Variants in PCDHGB7 observed in about 807,000 individuals in gnomAD.
The protein encoded by PCDHGB7 is protocadherin gamma-B7.
PCDHGB7 carries 37 observed loss-of-function variants against 61.4 expected under a neutral mutation model. The observed-to-expected ratio is 0.60, with a 90% CI of 0.46 to 0.79. The LOEUF is 0.79. Among genes scored for constraint, PCDHGB7 ranks in the 30% least tolerant of loss-of-function variants. The probability of loss-of-function intolerance (pLI) is 0.00; values close to 1 mark genes in which losing one functional copy is unlikely to be tolerated. For missense variants in PCDHGB7, 1,166 were observed against 1,202.5 expected (o/e 0.97, Z 0.45); for synonymous variants, 464 against 503.5 (o/e 0.92, Z 1.05).
chr5:141,440,527 T>G (rs1282939317), intron 1 of PCDHGB7: 3 of 152,222 alleles, frequency 2.0e-5, no homozygotes, highest in African/African-American at 7.2e-5. Context: ...TGAAGAATCA[T>G]GCACCACGGT....
chr5:141,511,093 G>A lies in PCDHGB7; in HGVS notation c.2710G>A (p.Ala904Thr), dbSNP rs377350933. The change falls in exon 4 of 4, where the codon GCA (alanine) becomes ACA (threonine). Residue 904 changes from alanine to threonine, a missense_variant. Physicochemically the swap from Ala to Thr is moderately conservative, Grantham distance 58. Coordinates refer to ENST00000398594, the MANE Select transcript of PCDHGB7 (RefSeq NM_018927.4). Reference protein sequence around the residue: ...IPGSNATLTNAAGKRDGKAPA... With the variant: ...IPGSNATLTNTAGKRDGKAPA... ...AGGCAGCAATGCCACACTGACCAACGCAGCTGGCAAGCGGGATGGCAAGGC... is the reference window on the plus strand; with the variant it reads ...AGGCAGCAATGCCACACTGACCAACACAGCTGGCAAGCGGGATGGCAAGGC... 8 of 1,614,072 alleles carry A rather than the reference G, an allele frequency of 5.0e-6. No individual in the cohort carries two copies. Among genetic ancestry groups the A allele is most frequent in the African/African-American group, 4.0e-5 (3 of 74,916 alleles).
chr5:141,510,862 C>CATTCA, intron 3 of PCDHGB7, 85 bp from the exon 4 acceptor site: 1 of 1,606,772 alleles, frequency 6.2e-7, no homozygotes, highest in South Asian at 1.1e-5. Flanking sequence ...GCTGTATAGG[C>CATTCA]ATTCATTAAC....
chr5:141,478,186 C>T, intron 1 of PCDHGB7: 2 of 1,614,016 alleles, frequency 1.2e-6, no homozygotes, highest in Non-Finnish European at 1.7e-6. Context: ...AAAAAAATCT[C>T]ACCTTTTATC....
At chr5:141,483,648 T>TTGTGTGTGTGTGTG (rs111458813) in intron 1 of PCDHGB7, among the ~76,000 whole-genome samples, 2 of 149,592 alleles carry the variant, frequency 1.3e-5, no homozygotes, top group Non-Finnish European at 3.0e-5. Context: ...GGGTGTGTGT[T>TTGTGTGTGTGTGTG]TGTGTGTGTG....
At position 141,419,392 on chromosome 5, in the gene PCDHGB7, C is replaced by A. The variant is rs1338481275; in HGVS notation, c.1533C>A (p.Ser511Arg). The change falls in exon 1 of 4, where the codon AGC becomes AGA. Residue 511 changes from serine to arginine, a missense_variant. By Grantham distance (110) the Ser-to-Arg change is moderately radical. Coordinates refer to ENST00000398594, the MANE Select transcript of PCDHGB7 (RefSeq NM_018927.4). ...CCTACGTGTCCGTGAGCGCGCAGAGCGGGGTGGTGTTCGCGCAGCGCGCCT... is the reference window on the plus strand; with the variant it reads ...CCTACGTGTCCGTGAGCGCGCAGAGAGGGGTGGTGTTCGCGCAGCGCGCCT... Reference protein sequence around the residue: ...LSSYVSVSAQSGVVFAQRAFD... With the variant: ...LSSYVSVSAQRGVVFAQRAFD... 6.2e-7 allele frequency: 1 copy of A among 1,613,612 alleles called. No homozygotes were observed. The highest frequency in any genetic ancestry group is 8.5e-7 in the Non-Finnish European group (1 of 1,179,902).
Position 141,431,112 on chromosome 5 carries a change from GAGTAGA to G in PCDHGB7, c.2415+10849_2415+10854del, listed in dbSNP as rs764068262. On this transcript the variant is annotated intron_variant, in intron 1 of 3. Transcript: ENST00000398594. The surrounding 1 kb of genome is among the most constrained non-coding windows in gnomAD (Gnocchi z 4.8). ...ATGGAGGATAAAGTGAAAATATATG[GAGTAGA>G]AGTAGAAGTAAGGGACATTAACGAC... The G allele has an allele frequency of 1.7e-5, 28 of 1,614,128 alleles. No individual in the cohort carries two copies. The highest frequency in any genetic ancestry group is 3.3e-5 in the South Asian group (3 of 91,092).
chr5:141,477,260 G>A lies in PCDHGB7; in HGVS notation c.2416-17547G>A. On this transcript the variant is annotated intron_variant, in intron 1 of 3. Coordinates refer to ENST00000398594, the MANE Select transcript of PCDHGB7 (RefSeq NM_018927.4). This position sits in a 1 kb window ranked among gnomAD's most constrained non-coding sequence, Gnocchi z 4.9. ...GCTCAGTGTGACTGACCTGGATGCTGGCGAGAACGGGCTGGTGACCTGCGA... is the reference window on the plus strand; with the variant it reads ...GCTCAGTGTGACTGACCTGGATGCTAGCGAGAACGGGCTGGTGACCTGCGA... 6.2e-7 allele frequency: 1 copy of A among 1,614,200 alleles called. No homozygotes were observed. Among genetic ancestry groups the A allele is most frequent in the Non-Finnish European group, 8.5e-7 (1 of 1,180,048 alleles).
intron 1 of PCDHGB7, chr5:141,478,484 C>A (rs376021397): frequency 1.2e-5 from 20 of 1,613,340 alleles, no homozygotes; most frequent in Non-Finnish European, 1.4e-5. Context: ...GAACACGCTG[C>A]GGAGCTGTGA....
Position 141,491,420 on chromosome 5 carries a change from G to A in PCDHGB7, c.2416-3387G>A, listed in dbSNP as rs2099713954. 1.2e-6 allele frequency: 2 copies of A among 1,614,004 alleles called. No homozygotes were observed. The highest frequency in any genetic ancestry group is 2.2e-5 in the South Asian group (2 of 91,090). On this transcript the variant is annotated intron_variant, in intron 1 of 3. Transcript: ENST00000398594. This position sits in a 1 kb window ranked among gnomAD's most constrained non-coding sequence, Gnocchi z 6.9. ...GGAAACGCAGACGGGGACGGGGGTG[G>A]AGGGCAGTGCTGCAGGCGCCAGGAC...
Position 141,487,819 on chromosome 5 carries a change from C to T in PCDHGB7, c.2416-6988C>T, listed in dbSNP as rs559702138. 28 of 1,285,530 alleles carry T rather than the reference C, an allele frequency of 2.2e-5. No homozygotes were observed. The highest frequency in any genetic ancestry group is 7.6e-5 in the East Asian group (3 of 39,466). 79.6% of individuals were successfully genotyped at this position (1,285,530 alleles called of 1,614,324 possible). ...AGTTGTCACAGTTTAGCATTGGGGG[C>T]GGGTCATGCCTATATCTGAGTAAGA... is the stretch of plus-strand genomic sequence containing the variant. On this transcript the variant is annotated intron_variant, in intron 1 of 3. Transcript: ENST00000398594. The surrounding 1 kb of genome is among the most constrained non-coding windows in gnomAD (Gnocchi z 5.0).
At chr5:141,423,251 ACCTCGGCAG>A (rs770264100) in intron 1 of PCDHGB7, 3 of 1,613,726 alleles carry the variant, frequency 1.9e-6, no homozygotes, top group African/African-American at 2.7e-5. Flanking sequence ...GTCCTGGCGG[ACCTCGGCAG>A]CCTCGAGTCT....
rs1432960207 is a variant in PCDHGB7, at chr5:141,477,648, C to A, written c.2416-17159C>A. On this transcript the variant is annotated intron_variant, in intron 1 of 3. Coordinates refer to ENST00000398594, the MANE Select transcript of PCDHGB7 (RefSeq NM_018927.4). This position sits in a 1 kb window ranked among gnomAD's most constrained non-coding sequence, Gnocchi z 4.9. ...ACCGGGCTAGTGGGTCGCTATTTCA[C>A]AATAAATCGTGACAATGGCATAGTG... is the stretch of plus-strand genomic sequence containing the variant. 7 of 1,614,046 alleles carry A rather than the reference C, an allele frequency of 4.3e-6. No homozygotes were observed. Among genetic ancestry groups the A allele is most frequent in the Non-Finnish European group, 5.9e-6 (7 of 1,180,044 alleles).
At position 141,485,576 on chromosome 5, in the gene PCDHGB7, C is replaced by A; in HGVS notation, c.2416-9231C>A. 1 of 1,612,412 alleles carries A rather than the reference C, an allele frequency of 6.2e-7. No individual in the cohort carries two copies. The highest frequency in any genetic ancestry group is 8.5e-7 in the Non-Finnish European group (1 of 1,178,628). On this transcript the variant is annotated intron_variant, in intron 1 of 3. Transcript: ENST00000398594. The surrounding 1 kb of genome is among the most constrained non-coding windows in gnomAD (Gnocchi z 5.7). ...GAATGATCACGCCCCCCGTTTTCCGCGGCAGCAGCTGGACTTGGAAATTGG... is the reference window on the plus strand; with the variant it reads ...GAATGATCACGCCCCCCGTTTTCCGAGGCAGCAGCTGGACTTGGAAATTGG...
intron 1 of PCDHGB7, chr5:141,422,463 C>G (rs1461108652): frequency 6.2e-7 from 1 of 1,613,472 alleles, no homozygotes; most frequent in Non-Finnish European, 8.5e-7. Flanking sequence ...GAGTGCTGGA[C>G]AGGGAGTTGG....
At chr5:141,460,650 T>C (rs1264813071) in intron 1 of PCDHGB7, among the ~76,000 whole-genome samples, 2 of 152,094 alleles carry the variant, frequency 1.3e-5, no homozygotes, top group East Asian at 3.9e-4. Flanking sequence ...TGTTTACACA[T>C]ATGTAACTGT....
rs755130135 is a variant in PCDHGB7 at position 141,431,477 on chromosome 5, C to A, written c.2415+11203C>A. On this transcript the variant is annotated intron_variant, in intron 1 of 3. Coordinates refer to ENST00000398594, the MANE Select transcript of PCDHGB7 (RefSeq NM_018927.4). The surrounding 1 kb of genome is among the most constrained non-coding windows in gnomAD (Gnocchi z 4.8). ...GGTTCTGGATGCGAACGACAACGCA[C>A]CAGCGTTTGCTCAGCCCGAGTACCG... is the stretch of plus-strand genomic sequence containing the variant. 40 of 1,613,768 alleles carry A rather than the reference C, an allele frequency of 2.5e-5. No individual in the cohort carries two copies. The highest frequency in any genetic ancestry group is 3.3e-5 in the Admixed American group (2 of 60,008).
rs1162032152 is a variant in PCDHGB7, at chr5:141,420,176, C to CA, written c.2318dup (p.His773GlnfsTer8). ...ATTTAATTTTTTCACATCTGTTGAT[C>CA]ATTGTCCAGCCACACAAGATAACCT... On this transcript the variant is annotated frameshift_variant, in exon 1 of 4. Transcript: ENST00000398594. LOFTEE classifies it high-confidence loss of function. 3.1e-6 allele frequency: 5 copies of CA among 1,613,874 alleles called. No homozygotes were observed. The highest frequency in any genetic ancestry group is 4.2e-6 in the Non-Finnish European group (5 of 1,179,862).
chr5:141,482,102 A>T (rs1016315214), intron 1 of PCDHGB7, among the ~76,000 whole-genome samples: 13 of 151,860 alleles, frequency 8.6e-5, no homozygotes, highest in African/African-American at 2.7e-4. Context: ...AAAAAAAAAA[A>T]AAATATCTAG....
chr5:141,434,906 C>A lies in PCDHGB7; in HGVS notation c.2415+14632C>A, dbSNP rs1044434492. ...AACAATCCAGTCCCCTTCCCTCATA[C>A]CTTATTTATGTACATATATTTTATA... On this transcript the variant is annotated intron_variant, in intron 1 of 3. Coordinates refer to ENST00000398594, the MANE Select transcript of PCDHGB7 (RefSeq NM_018927.4). Among the ~76,000 whole-genome samples the A allele has an allele frequency of 2.0e-5, 3 of 151,752 alleles. No individual in the cohort carries two copies. In the South Asian group the frequency reaches 6.2e-4, roughly 32 times the overall value.
Sources: gnomAD v4.1 joint callset for allele counts (sites outside exome capture counted in the v4.1 genomes callset) on GRCh38, gnomAD v4.1.1 for gene constraint, Gnocchi (gnomAD v3.1) non-coding constraint, MANE v1.5 for transcripts, NCBI Gene and HGNC (gene_info 2026-07-23, HGNC 2026-07-21) for gene names.